The following SUGCT variants were observed in gnomAD, a reference collection of about 807,000 sequenced individuals.
SUGCT encodes succinyl-CoA:glutarate CoA-transferase.
In SUGCT, 41 loss-of-function variants were observed where a neutral mutation model predicts 55.0. The ratio of observed to expected loss-of-function variants is 0.74; its 90% confidence interval spans 0.58 to 0.97. The LOEUF is 0.97. Ranked by LOEUF, SUGCT falls within the 50% of genes least tolerant of loss-of-function variation. The pLI is 0.00. For synonymous variants in SUGCT, 187 were observed against 200.4 expected (o/e 0.93, Z 0.56); for missense variants, 568 against 547.8 (o/e 1.04, Z -0.37).
chr7:40,969,966 G>A, the SUGCT span, among the ~76,000 whole-genome samples: 5 of 152,170 alleles, frequency 3.3e-5, no homozygotes, highest in Admixed American at 1.3e-4. Flanking sequence ...TGGCAGGAGG[G>A]GGAGACTGCC....
chr7:40,321,472 T>G (rs951828641), intron 9 of SUGCT, among the ~76,000 whole-genome samples: 3 of 152,086 alleles, frequency 2.0e-5, no homozygotes, highest in African/African-American at 7.3e-5. Context: ...AACCTCTGCC[T>G]ACCGAGTTCA....
chr7:40,815,396 G>A (rs555250678), intron 13 of SUGCT, among the ~76,000 whole-genome samples: 1 of 152,348 alleles, frequency 6.6e-6, no homozygotes, highest in Non-Finnish European at 1.5e-5. Flanking sequence ...TACTCCAGAT[G>A]CCTGGAGGTC....
intron 3 of SUGCT, among the ~76,000 whole-genome samples, chr7:40,184,289 AT>A (rs899174616): frequency 6.6e-6 from 1 of 150,450 alleles, no homozygotes; most frequent in East Asian, 2.0e-4. Context: ...GTTTTATTTT[AT>A]TTTTTTTTGA....
At chr7:40,949,579 A>G in the SUGCT span, among the ~76,000 whole-genome samples, 1 of 152,096 alleles carries the variant, frequency 6.6e-6, no homozygotes, top group Non-Finnish European at 1.5e-5. Context: ...TAGGGTTTTT[A>G]TGTTTTAGGT....
At chr7:40,607,250 T>C (rs998204071) in intron 12 of SUGCT, among the ~76,000 whole-genome samples, 1 of 152,056 alleles carries the variant, frequency 6.6e-6, no homozygotes, top group African/African-American at 2.4e-5. Context: ...ACTATAGGAA[T>C]GCACCACCAC....
intron 13 of SUGCT, among the ~76,000 whole-genome samples, chr7:40,787,400 G>A (rs1444587715): frequency 2.0e-5 from 3 of 151,852 alleles, no homozygotes; most frequent in East Asian, 1.9e-4. Flanking sequence ...CTTAAAGCTC[G>A]CACCAGTTTT....
intron 9 of SUGCT, among the ~76,000 whole-genome samples, chr7:40,376,159 A>C (rs1194563429): frequency 6.6e-6 from 1 of 152,212 alleles, no homozygotes; most frequent in Non-Finnish European, 1.5e-5. Flanking sequence ...TTTAAATGAC[A>C]GAAAAAGCTA....
At chr7:40,824,183 C>A (rs1792182981) in intron 13 of SUGCT, among the ~76,000 whole-genome samples, 1 of 151,104 alleles carries the variant, frequency 6.6e-6, no homozygotes. Context: ...TCTATGACTT[C>A]AGAGGGCAAA....
At chr7:40,795,891 C>T (rs555595515) in intron 13 of SUGCT, among the ~76,000 whole-genome samples, 12 of 152,114 alleles carry the variant, frequency 7.9e-5, no homozygotes, top group Non-Finnish European at 1.8e-4. Flanking sequence ...GTCAAACATG[C>T]TGAGAGAATG....
intron 13 of SUGCT, among the ~76,000 whole-genome samples, chr7:40,838,334 A>ATGG (rs529606819): frequency 6.1e-4 from 93 of 152,322 alleles, no homozygotes; most frequent in Non-Finnish European, 1.0e-3. Context: ...TACATCCAAC[A>ATGG]TGTGTATCAA....
chr7:40,862,391 C>T (rs1367754078), downstream of SUGCT, among the ~76,000 whole-genome samples: 1 of 152,160 alleles, frequency 6.6e-6, no homozygotes, highest in Non-Finnish European at 1.5e-5. Context: ...CTGTGCTCTG[C>T]TGATTTAGTG....
In SUGCT at chr7:40,438,157, T is replaced by C. The variant is rs987857681; in HGVS notation, c.817-11130T>C. On this transcript the variant is annotated intron_variant, in intron 9 of 13. Transcript: ENST00000335693. Reference sequence around the variant, plus strand: ...AGAAAGCAAAGTCCCTGGGAAGGAGTAGAAACTTCCAGGAGCAGCAGAAAT... The same window carrying C: ...AGAAAGCAAAGTCCCTGGGAAGGAGCAGAAACTTCCAGGAGCAGCAGAAAT... Among the ~76,000 whole-genome samples, 7 of 151,836 alleles carry C rather than the reference T, an allele frequency of 4.6e-5. No homozygotes were observed. In the East Asian group the frequency reaches 1.2e-3, roughly 25 times the overall value.
chr7:40,749,779 T>A (rs570376042), intron 13 of SUGCT, among the ~76,000 whole-genome samples: 1 of 152,274 alleles, frequency 6.6e-6, no homozygotes, highest in Admixed American at 6.5e-5. Context: ...CAAAAGTACA[T>A]CATGTAATTA....
intron 1 of SUGCT, among the ~76,000 whole-genome samples, chr7:40,161,926 C>G (rs1296482192): frequency 6.6e-6 from 1 of 152,110 alleles, no homozygotes; most frequent in African/African-American, 2.4e-5. Context: ...GAGACAGACT[C>G]TTGCTCTGTC....
intron 9 of SUGCT, among the ~76,000 whole-genome samples, chr7:40,411,484 G>A (rs543351433): frequency 6.6e-6 from 1 of 152,316 alleles, no homozygotes; most frequent in South Asian, 2.1e-4. Context: ...GGTGGAACTG[G>A]AGGTCATTAT....
At chr7:40,373,720 T>C (rs747594051) in intron 9 of SUGCT, among the ~76,000 whole-genome samples, 7 of 152,124 alleles carry the variant, frequency 4.6e-5, no homozygotes, top group Non-Finnish European at 1.0e-4. Flanking sequence ...TTATGTATGA[T>C]TGACTAATTA....
intron 9 of SUGCT, among the ~76,000 whole-genome samples, chr7:40,360,514 C>A (rs911215460): frequency 6.6e-6 from 1 of 152,136 alleles, no homozygotes; most frequent in African/African-American, 2.4e-5. Flanking sequence ...GCCTCTGCCC[C>A]TAAGCAGTTC....
At chr7:40,188,449 A>AC in intron 3 of SUGCT, 46 bp from the exon 4 acceptor site, 1 of 1,335,770 alleles carries the variant, frequency 7.5e-7, no homozygotes, top group Non-Finnish European at 1.0e-6. Context: ...AAAAAAAAAA[A>AC]AAAAAACAAA....
chr7:40,675,656 G>A (rs1452002386), intron 12 of SUGCT, among the ~76,000 whole-genome samples: 1 of 152,180 alleles, frequency 6.6e-6, no homozygotes. Flanking sequence ...AAGAGTCAGG[G>A]AAATTGCTCC....
Sources: gnomAD v4.1 joint callset for allele counts (sites outside exome capture counted in the v4.1 genomes callset) on GRCh38, gnomAD v4.1.1 for gene constraint, MANE v1.5 for transcripts, NCBI Gene and HGNC (gene_info 2026-07-23, HGNC 2026-07-21) for gene names.